The following KCNQ4 variants were observed in gnomAD, a reference collection of about 807,000 sequenced individuals.
The protein encoded by KCNQ4 is potassium voltage-gated channel subfamily Q member 4.
In KCNQ4, 31 loss-of-function variants were observed where a neutral mutation model predicts 72.6. That is an observed-to-expected ratio of 0.43 (90% CI 0.32 to 0.58). The LOEUF is 0.58. Among genes scored for constraint, KCNQ4 ranks in the 20% least tolerant of loss-of-function variants. The pLI is 0.08. For missense variants in KCNQ4, 869 were observed against 962.6 expected (o/e 0.90, Z 1.29); for synonymous variants, 405 against 403.7 (o/e 1.00, Z -0.04).
chr1:40,790,439 G>A (rs1647261171), intron 1 of KCNQ4, among the ~76,000 whole-genome samples: 1 of 152,168 alleles, frequency 6.6e-6, no homozygotes, highest in African/African-American at 2.4e-5. Flanking sequence ...GAGAATAGGA[G>A]CTATGTCTGC....
At position 40,837,805 on chromosome 1, in the gene KCNQ4, G is replaced by A; in HGVS notation, c.1875+11G>A. 1 of 1,603,640 alleles carries A rather than the reference G, an allele frequency of 6.2e-7. No homozygotes were observed. The highest frequency in any genetic ancestry group is 8.5e-7 in the Non-Finnish European group (1 of 1,175,806). On this transcript the variant is annotated intron_variant, in intron 13 of 13. Transcript: ENST00000347132. The stretch of plus-strand genomic sequence containing the variant: ...AAGGTGGAGAAGCAGGTGAGTGTAG[G>A]ATGGGGTGGCGGAGCTGGCCATACC...
rs1220646951 is a variant in KCNQ4, at chr1:40,788,416, G to A, written c.314+4009G>A. Among the ~76,000 whole-genome samples the A allele has an allele frequency of 2.0e-5, 3 of 152,192 alleles. No individual in the cohort carries two copies. Among genetic ancestry groups the A allele is most frequent in the African/African-American group, 4.8e-5 (2 of 41,438 alleles). ...TAGTGGCCACCGGGCTTGGCTCTTGGAGTCTGAAATGAAATCTCTGGTTGT... is the reference window on the plus strand; with the variant it reads ...TAGTGGCCACCGGGCTTGGCTCTTGAAGTCTGAAATGAAATCTCTGGTTGT... On this transcript the variant is annotated intron_variant, in intron 1 of 13. Coordinates refer to ENST00000347132, the MANE Select transcript of KCNQ4 (RefSeq NM_004700.4). This position sits in a 1 kb window ranked among gnomAD's most constrained non-coding sequence, Gnocchi z 4.5.
At chr1:40,824,739 C>A (rs1412821610) in intron 9 of KCNQ4, among the ~76,000 whole-genome samples, 2 of 152,134 alleles carry the variant, frequency 1.3e-5, no homozygotes, top group Non-Finnish European at 2.9e-5. Context: ...ACTGAACTCG[C>A]CTCTTGGGAA....
At chr1:40,785,989 G>A (rs1020165838) in intron 1 of KCNQ4, among the ~76,000 whole-genome samples, 2 of 152,150 alleles carry the variant, frequency 1.3e-5, no homozygotes, top group African/African-American at 4.8e-5. Context: ...CAGGGTCAAC[G>A]GTTTGTAGTA....
intron 1 of KCNQ4, among the ~76,000 whole-genome samples, chr1:40,814,396 C>T (rs1376706711): frequency 1.3e-5 from 2 of 152,146 alleles, no homozygotes. Context: ...CCGAAACAAC[C>T]CATGTTTGTT....
At chr1:40,795,040 G>A (rs1464840798) in intron 1 of KCNQ4, among the ~76,000 whole-genome samples, 1 of 152,126 alleles carries the variant, frequency 6.6e-6, no homozygotes, top group Non-Finnish European at 1.5e-5. Flanking sequence ...GCACTGGACC[G>A]GGAGGCAGCA....
At chr1:40,802,943 A>G (rs992625449) in intron 1 of KCNQ4, among the ~76,000 whole-genome samples, 12 of 152,144 alleles carry the variant, frequency 7.9e-5, no homozygotes, top group Admixed American at 2.0e-4. Context: ...CATTCTTTTG[A>G]CTGAGATACA....
chr1:40,825,658 C>T (rs545845347), intron 9 of KCNQ4, among the ~76,000 whole-genome samples: 32 of 152,180 alleles, frequency 2.1e-4, no homozygotes, highest in African/African-American at 7.5e-4. Context: ...CTCTCAGATT[C>T]TCTGCCCGAA....
intron 12 of KCNQ4, among the ~76,000 whole-genome samples, chr1:40,835,303 T>A (rs992807331): frequency 6.6e-6 from 1 of 152,196 alleles, no homozygotes; most frequent in African/African-American, 2.4e-5. Flanking sequence ...CAACCATAGT[T>A]TCTCTGTGAG....
At position 40,817,537 on chromosome 1, in the gene KCNQ4, G is replaced by A. The variant is rs887951198; in HGVS notation, c.405+182G>A. ...CCGGGACTGAGGGGGGCCGTGTGAGGTGGCACCTCTGGGCTGAGGGCTGAA... is the reference window on the plus strand; with the variant it reads ...CCGGGACTGAGGGGGGCCGTGTGAGATGGCACCTCTGGGCTGAGGGCTGAA... On this transcript the variant is annotated intron_variant, in intron 2 of 13. Coordinates refer to ENST00000347132, the MANE Select transcript of KCNQ4 (RefSeq NM_004700.4). The surrounding 1 kb of genome is among the most constrained non-coding windows in gnomAD (Gnocchi z 5.5). Among the ~76,000 whole-genome samples, 1 of 152,118 alleles carries A rather than the reference G, an allele frequency of 6.6e-6. No individual in the cohort carries two copies. The highest frequency in any genetic ancestry group is 1.5e-5 in the Non-Finnish European group (1 of 68,018).
intron 1 of KCNQ4, among the ~76,000 whole-genome samples, chr1:40,800,129 G>A (rs1223812704): frequency 1.3e-5 from 2 of 152,116 alleles, no homozygotes; most frequent in Non-Finnish European, 2.9e-5. Flanking sequence ...TCTCCCAGGG[G>A]CTGTCAGAGC....
intron 1 of KCNQ4, among the ~76,000 whole-genome samples, chr1:40,797,695 C>T (rs1056624644): frequency 3.3e-5 from 5 of 152,164 alleles, no homozygotes; most frequent in Non-Finnish European, 7.4e-5. Flanking sequence ...TTTTCCTTTA[C>T]CTTCCCCCCA....
chr1:40,815,715 A>G lies in KCNQ4; in HGVS notation c.315-1550A>G, dbSNP rs541626448. ...TTTGCTGGGATACACTTGCCCCCCA[A>G]AAAGGTCAGGAACCCCTGTCCAGGA... is the stretch of plus-strand genomic sequence containing the variant. On this transcript the variant is annotated intron_variant, in intron 1 of 13. Transcript: ENST00000347132. 1.9e-3 allele frequency among the ~76,000 whole-genome samples: 289 copies of G among 152,244 alleles called. 2 individuals carry two copies. The highest frequency in any genetic ancestry group is 6.7e-3 in the African/African-American group (277 of 41,536).
intron 6 of KCNQ4, 28 bp downstream of exon 6, chr1:40,820,013 G>A (rs1262533790): frequency 6.3e-7 from 1 of 1,585,384 alleles, no homozygotes; most frequent in South Asian, 1.1e-5. Context: ...CAGTTGGTGG[G>A]GGAGGCTGAG....
At chr1:40,819,794 G>C in intron 5 of KCNQ4, 81 bp from the exon 6 acceptor site, 1 of 1,155,200 alleles carries the variant, frequency 8.7e-7, no homozygotes, top group South Asian at 1.2e-5. Flanking sequence ...CTCATGATCA[G>C]GCTCCTACCT....
chr1:40,795,173 A>C (rs535413589), intron 1 of KCNQ4, among the ~76,000 whole-genome samples: 16 of 151,112 alleles, frequency 1.1e-4, no homozygotes, highest in Non-Finnish European at 2.1e-4. Flanking sequence ...GTCCCTGCTC[A>C]CCTCACGGGG....
chr1:40,827,701 T>C (rs1648523842), intron 9 of KCNQ4, among the ~76,000 whole-genome samples: 2 of 152,198 alleles, frequency 1.3e-5, no homozygotes, highest in Non-Finnish European at 2.9e-5. Context: ...TGTTTTTTCC[T>C]AGAAACGTGG....
At chr1:40,835,249 C>A in intron 12 of KCNQ4, 151 bp downstream of exon 12, 1 of 1,013,554 alleles carries the variant, frequency 9.9e-7, no homozygotes. Flanking sequence ...GCAGTGCCAG[C>A]CTGAGGCCAG....
At chr1:40,832,938 T>C in intron 10 of KCNQ4, 76 bp from the exon 11 acceptor site, 1 of 1,039,654 alleles carries the variant, frequency 9.6e-7, no homozygotes, top group Non-Finnish European at 1.5e-6. Context: ...TACTGGTGGT[T>C]TGGCATACAA....
Sources: allele counts gnomAD v4.1 joint callset (sites outside exome capture counted in the v4.1 genomes callset), GRCh38; gene constraint gnomAD v4.1.1; non-coding constraint Gnocchi (gnomAD v3.1); transcripts MANE v1.5; gene names NCBI Gene and HGNC (gene_info 2026-07-23, HGNC 2026-07-21).